Variants in MIA2 observed in about 807,000 individuals in gnomAD.
The protein encoded by MIA2 is MIA SH3 domain ER export factor 2.
MIA2 carries 127 observed loss-of-function variants against 167.8 expected under a neutral mutation model. The observed-to-expected ratio is 0.76, with a 90% CI of 0.66 to 0.88. The LOEUF (loss-of-function observed/expected upper bound fraction) is 0.88. MIA2 is among the 40% of genes least tolerant of loss of function. MIA2 has a pLI of 0.00. For synonymous variants in MIA2, 552 were observed against 541.9 expected, an observed-to-expected ratio of 1.02 and a Z score of -0.26; for missense variants, 1,690 against 1,624.7, an observed-to-expected ratio of 1.04 and a Z score of -0.69.
At chr14:39,297,150 A>T (rs542583838) in intron 13 of MIA2, among the ~76,000 whole-genome samples, 2 of 151,102 alleles carry the variant, frequency 1.3e-5, no homozygotes, top group South Asian at 2.1e-4. Flanking sequence ...TCTGGAGTTC[A>T]TGGCGCTATC....
intron 23 of MIA2, chr14:39,386,184 TG>T: frequency 1.4e-6 from 2 of 1,394,438 alleles, no homozygotes; most frequent in Non-Finnish European, 2.0e-6. Flanking sequence ...TTGCCCTTGC[TG>T]GGGGTAAGGC....
chr14:39,357,002 G>C (rs1440295313), intron 23 of MIA2, among the ~76,000 whole-genome samples: 1 of 152,170 alleles, frequency 6.6e-6, no homozygotes, highest in African/African-American at 2.4e-5. Flanking sequence ...TAAGTGTGGT[G>C]TGGTGCTGAG....
chr14:39,269,352 C>T (rs1305356416), intron 6 of MIA2, among the ~76,000 whole-genome samples: 2 of 151,852 alleles, frequency 1.3e-5, no homozygotes, highest in African/African-American at 4.8e-5. Flanking sequence ...ATTCCCACCC[C>T]TCATCCCTTG....
intron 25 of MIA2, among the ~76,000 whole-genome samples, chr14:39,343,775 C>T (rs1468985419): frequency 6.6e-6 from 1 of 151,962 alleles, no homozygotes; most frequent in East Asian, 1.9e-4. Context: ...ATAGCTGTAT[C>T]TTATTATGTG....
At chr14:39,347,593 T>C in intron 26 of MIA2, 120 bp from the exon 27 acceptor site, 2 of 895,708 alleles carry the variant, frequency 2.2e-6, no homozygotes, top group South Asian at 2.9e-5. Flanking sequence ...AGGATATTGG[T>C]GTCCAGCTGG....
intron 12 of MIA2, 150 bp from the exon 13 acceptor site, chr14:39,294,775 A>G: frequency 1.6e-6 from 1 of 638,610 alleles, no homozygotes; most frequent in Non-Finnish European, 2.8e-6. Context: ...GATTCTAGAC[A>G]AGCCTTTTTT....
chr14:39,239,045 A>G (rs191681743), intron 2 of MIA2, among the ~76,000 whole-genome samples: 77 of 152,278 alleles, frequency 5.1e-4, no homozygotes, highest in African/African-American at 1.8e-3. Flanking sequence ...TCGACTTGAT[A>G]CATGTATCAC....
chr14:39,277,762 A>ATATATATGTGTG, intron 7 of MIA2, among the ~76,000 whole-genome samples: 1 of 35,354 alleles, frequency 2.8e-5, no homozygotes. Context: ...ATATATATAT[A>ATATATATGTGTG]TATATATATA....
At position 39,240,657 on chromosome 14, in the gene MIA2, C is replaced by G. The variant is rs1236257361; in HGVS notation, c.336+10C>G. The G allele has an allele frequency of 6.3e-7, 1 of 1,589,932 alleles. No individual in the cohort carries two copies. Among genetic ancestry groups the G allele is most frequent in the South Asian group, 1.1e-5 (1 of 90,046 alleles). On this transcript the variant is annotated intron_variant, in intron 3 of 28. Transcript: ENST00000640607. The stretch of plus-strand genomic sequence containing the variant: ...TCAGATGTCAACGAAAGTGAGTAAA[C>G]TCATTCTCAGTTGTTAATTGAATTT...
At chr14:39,299,422 C>G (rs1404344640) in intron 13 of MIA2, among the ~76,000 whole-genome samples, 1 of 149,998 alleles carries the variant, frequency 6.7e-6, no homozygotes, top group South Asian at 2.1e-4. Flanking sequence ...ATTCTCCTGC[C>G]TCAACTTCCT....
At chr14:39,321,365 G>A (rs1269688404) in intron 24 of MIA2, among the ~76,000 whole-genome samples, 10 of 151,758 alleles carry the variant, frequency 6.6e-5, no homozygotes, top group African/African-American at 2.2e-4. Flanking sequence ...CCAGGCTGGA[G>A]TGCAGTGGCG....
intron 9 of MIA2, among the ~76,000 whole-genome samples, chr14:39,290,279 C>G (rs1398032241): frequency 6.6e-6 from 1 of 152,132 alleles, no homozygotes; most frequent in East Asian, 1.9e-4. Flanking sequence ...ACTTCTCTCA[C>G]AAATTCTCAC....
chr14:39,305,647 A>C (rs932528262), intron 17 of MIA2, among the ~76,000 whole-genome samples: 14 of 152,148 alleles, frequency 9.2e-5, no homozygotes, highest in African/African-American at 2.9e-4. Flanking sequence ...TAGAAGTACA[A>C]AAATATGGCC....
rs553423196 is a variant in MIA2 at position 39,356,427 on chromosome 14, G to A, written c.2248+7450G>A. On this transcript the variant is annotated intron_variant, in intron 23 of 23. Coordinates refer to the MIA2 transcript ENST00000341502. ...CCCTTTATCATTTTTTATTGTGTCC[G>A]TTTGATTCTTCTCTCATTTCTTCTT... 7.9e-3 allele frequency among the ~76,000 whole-genome samples: 1,201 copies of A among 151,928 alleles called. 14 individuals carry two copies. The highest frequency in any genetic ancestry group is 0.026 in the African/African-American group (1,086 of 41,394).
chr14:39,263,635 T>TTC (rs1239855512), intron 6 of MIA2, among the ~76,000 whole-genome samples: 1 of 140,324 alleles, frequency 7.1e-6, no homozygotes, highest in African/African-American at 2.5e-5. Context: ...CTCTCTCTCT[T>TTC]TTTTTTTTTT....
chr14:39,345,477 A>G (rs982319750), intron 25 of MIA2, among the ~76,000 whole-genome samples: 2 of 152,126 alleles, frequency 1.3e-5, no homozygotes, highest in African/African-American at 2.4e-5. Flanking sequence ...TTTGATGACA[A>G]ATTATCACCT....
At position 39,371,810 on chromosome 14, in the gene MIA2, C is replaced by G. The variant is rs141377816; in HGVS notation, c.2249-15075C>G. Among the ~76,000 whole-genome samples the G allele has an allele frequency of 3.5e-4, 53 of 152,250 alleles. No homozygotes were observed. The East Asian group carries it at 8.9e-3, about 25-fold the overall frequency. ...AATGACTTAAATTATATTATGAAAA[C>G]ATGGTCTTTCTGTCTTAGTCTCCTG... On this transcript the variant is annotated intron_variant, in intron 23 of 23. Coordinates refer to the MIA2 transcript ENST00000341502.
intron 25 of MIA2, among the ~76,000 whole-genome samples, chr14:39,336,850 A>G (rs73279314): frequency 0.017 from 2,540 of 152,206 alleles, 78 homozygotes; most frequent in African/African-American, 0.058. Flanking sequence ...ATCTCAAGCA[A>G]TCCTCCCCTC....
intron 2 of MIA2, chr14:39,237,374 T>G: frequency 3.2e-6 from 1 of 315,464 alleles, no homozygotes; most frequent in South Asian, 2.8e-5. Flanking sequence ...GTAATCTGCC[T>G]GCTTCGGCCT....
Sources: allele counts gnomAD v4.1 joint callset (sites outside exome capture counted in the v4.1 genomes callset), GRCh38; gene constraint gnomAD v4.1.1; transcripts MANE v1.5; gene names NCBI Gene and HGNC (gene_info 2026-07-23, HGNC 2026-07-21).